The following PTPN21 variants were observed in gnomAD, a reference collection of about 807,000 sequenced individuals.
The protein encoded by PTPN21 is protein tyrosine phosphatase non-receptor type 21.
A neutral mutation model predicts 131.8 loss-of-function variants in PTPN21; 77 were observed. The observed-to-expected ratio is 0.58, with a 90% CI of 0.49 to 0.71. The LOEUF (loss-of-function observed/expected upper bound fraction) is 0.71, where lower values mean the gene tolerates loss of function less well. PTPN21 is among the 30% of genes least tolerant of loss of function. The probability of loss-of-function intolerance (pLI) is 0.00; values close to 1 mark genes in which losing one functional copy is unlikely to be tolerated. For synonymous variants in PTPN21, 715 were observed against 621.3 expected (o/e 1.15, Z -2.24); for missense variants, 1,552 against 1,527.1 (o/e 1.02, Z -0.27).
intron 13 of PTPN21, among the ~76,000 whole-genome samples, chr14:88,474,509 A>T (rs2140089233): frequency 6.6e-6 from 1 of 152,244 alleles, no homozygotes; most frequent in East Asian, 1.9e-4. Flanking sequence ...TAAAATATAT[A>T]AATTCTTTAA....
In PTPN21 at chr14:88,523,082, C is replaced by T. The variant is rs148329435; in HGVS notation, c.181-5821G>A. 3.0e-3 allele frequency among the ~76,000 whole-genome samples: 452 copies of T among 151,924 alleles called. 3 individuals are homozygous for T. Among genetic ancestry groups the T allele is most frequent in the African/African-American group, 0.011 (438 of 41,442 alleles). ...GAAAATCAAGGAAAAGGAGAGAATACTTTCTAACTCAATCTATAGGCCAGC... is the reference window on the plus strand; with the variant it reads ...GAAAATCAAGGAAAAGGAGAGAATATTTTCTAACTCAATCTATAGGCCAGC... On this transcript the variant is annotated intron_variant, in intron 2 of 18. Transcript: ENST00000556564.
At chr14:88,470,735 G>A (rs1158824769) in intron 15 of PTPN21, among the ~76,000 whole-genome samples, 2 of 152,184 alleles carry the variant, frequency 1.3e-5, no homozygotes, top group Non-Finnish European at 2.9e-5. Flanking sequence ...GCTCCACATC[G>A]TCTCACTGAG....
intron 10 of PTPN21, among the ~76,000 whole-genome samples, chr14:88,487,485 G>A (rs1471142729): frequency 6.6e-6 from 1 of 151,910 alleles, no homozygotes; most frequent in Non-Finnish European, 1.5e-5. Flanking sequence ...CTGAAAACTA[G>A]TATCTTATAT....
intron 6 of PTPN21, 27 bp downstream of exon 6, chr14:88,504,398 T>C: frequency 6.7e-7 from 1 of 1,494,406 alleles, no homozygotes; most frequent in Non-Finnish European, 9.3e-7. Context: ...TTCTATGCTA[T>C]TTCCATGTCT....
Position 88,469,091 on chromosome 14 carries a change from T to A in PTPN21, c.3236-15A>T, listed in dbSNP as rs2077412621. 6 of 1,601,882 alleles carry A rather than the reference T, an allele frequency of 3.7e-6. No individual in the cohort carries two copies. The highest frequency in any genetic ancestry group is 5.1e-6 in the Non-Finnish European group (6 of 1,171,172). On this transcript the variant is annotated splice_polypyrimidine_tract_variant and intron_variant, in intron 17 of 18. Coordinates refer to ENST00000556564, the MANE Select transcript of PTPN21 (RefSeq NM_007039.4). This position sits in a 1 kb window ranked among gnomAD's most constrained non-coding sequence, Gnocchi z 4.3. ...TTCAAGATATGCTGTGGAAAATCAA[T>A]GAAATAGAAAAGTACTCAAGGATCA...
At position 88,479,749 on chromosome 14, in the gene PTPN21, T is replaced by G. The variant is rs1340293230; in HGVS notation, c.1682A>C (p.Gln561Pro). The change falls in exon 13 of 19, where the codon CAG (glutamine) becomes CCG (proline). Residue 561 changes from glutamine (Q) to proline (P), a missense_variant. Physicochemically the swap from Gln to Pro is moderately conservative, Grantham distance 76. Coordinates refer to ENST00000556564, the MANE Select transcript of PTPN21 (RefSeq NM_007039.4). Reference protein sequence around the residue: ...DYPSPNIMRTQVYRPPPPYPP... With the variant: ...DYPSPNIMRTPVYRPPPPYPP... ...GTAGGGTGGGGGTGGCCGGTACACC[T>G]GCGTCCGCATGATGTTGGGAGACGG... is the stretch of plus-strand genomic sequence containing the variant. 5.2e-6 allele frequency: 8 copies of G among 1,542,436 alleles called. No homozygotes were observed. Among genetic ancestry groups the G allele is most frequent in the Non-Finnish European group, 6.9e-6 (8 of 1,151,478 alleles).
chr14:88,496,275 G>T, intron 10 of PTPN21, 138 bp downstream of exon 10: 1 of 714,910 alleles, frequency 1.4e-6, no homozygotes, highest in Non-Finnish European at 2.3e-6. Context: ...TTGGTCCAAA[G>T]CTAAAATAGG....
chr14:88,539,827 T>C (rs1203762196), intron 2 of PTPN21, among the ~76,000 whole-genome samples: 2 of 152,206 alleles, frequency 1.3e-5, no homozygotes, highest in Non-Finnish European at 2.9e-5. Context: ...ATATTCACTA[T>C]TAAACATGCT....
intron 2 of PTPN21, among the ~76,000 whole-genome samples, chr14:88,531,190 T>C (rs1235001590): frequency 2.0e-5 from 3 of 152,182 alleles, no homozygotes; most frequent in African/African-American, 7.2e-5. Context: ...CTGAATAATT[T>C]TGAATCAACA....
At position 88,468,977 on chromosome 14, in the gene PTPN21, A is replaced by G. The variant is rs1477797567; in HGVS notation, c.3335T>C (p.Val1112Ala). 11 of 1,613,838 alleles carry G rather than the reference A, an allele frequency of 6.8e-6. No homozygotes were observed. Among genetic ancestry groups the G allele is most frequent in the Non-Finnish European group, 9.3e-6 (11 of 1,179,988 alleles). ...PPLLVHCSAG[V>A]GRTGVVILSE... The stretch of plus-strand genomic sequence containing the variant: ...CAAAATCACCACGCCAGTCCTTCCT[A>G]CCCCAGCACTGCAGTGGACCAACAA... The change falls in exon 18 of 19, where the codon GTA becomes GCA. Residue 1112 changes from valine to alanine, a missense_variant. Physicochemically the swap from Val to Ala is moderately conservative, Grantham distance 64. Transcript: ENST00000556564.
At chr14:88,477,903 A>G (rs1389538151) in intron 13 of PTPN21, among the ~76,000 whole-genome samples, 1 of 152,222 alleles carries the variant, frequency 6.6e-6, no homozygotes, top group East Asian at 1.9e-4. Context: ...GTGAAAGACT[A>G]GCAAGGCTTC....
intron 2 of PTPN21, among the ~76,000 whole-genome samples, chr14:88,544,353 A>AAAAAG (rs563172040): frequency 6.6e-6 from 1 of 152,158 alleles, no homozygotes; most frequent in Non-Finnish European, 1.5e-5. Flanking sequence ...CTCACCAAAA[A>AAAAAG]AAAAGAAAAG....
In PTPN21 at chr14:88,480,245, T is replaced by C. The variant is rs2077632174; in HGVS notation, c.1186A>G (p.Ser396Gly). Residue 396 changes from serine to glycine, a missense_variant, in exon 13 of 19, where the codon AGT becomes GGT. Coordinates refer to ENST00000556564, the MANE Select transcript of PTPN21 (RefSeq NM_007039.4). The stretch of plus-strand genomic sequence containing the variant: ...TTTAAGGAGTTGGTGCTGTGTGCAC[T>C]GTAGACACTGCCATTACGGATCCGA... The part of the protein sequence containing the change: ...NGRIRNGSVY[S>G]AHSTNSLNNP... 6.2e-7 allele frequency: 1 copy of C among 1,614,082 alleles called. No individual in the cohort carries two copies. Among genetic ancestry groups the C allele is most frequent in the Admixed American group, 1.7e-5 (1 of 60,030 alleles).
intron 10 of PTPN21, among the ~76,000 whole-genome samples, chr14:88,486,588 AAAGCAAAGC>A (rs2077736327): frequency 6.6e-6 from 1 of 152,146 alleles, no homozygotes; most frequent in Non-Finnish European, 1.5e-5. Flanking sequence ...GAACCAAGGG[AAAGCAAAGC>A]ACAAGACTTG....
intron 8 of PTPN21, among the ~76,000 whole-genome samples, chr14:88,497,508 G>A (rs1372573380): frequency 6.6e-6 from 1 of 152,062 alleles, no homozygotes; most frequent in Non-Finnish European, 1.5e-5. Flanking sequence ...AGTGGCTCAC[G>A]CCTGTAATCT....
intron 6 of PTPN21, 22 bp downstream of exon 6, chr14:88,504,403 A>T: frequency 2.0e-6 from 3 of 1,520,978 alleles, no homozygotes; most frequent in Non-Finnish European, 2.7e-6. Flanking sequence ...TGCTATTTCC[A>T]TGTCTTATTT....
rs377215043 is a variant in PTPN21 at position 88,478,875 on chromosome 14, G to A, written c.2511+45C>T. ...TGATGAGTGAAAGAAGCGCCAGGGC[G>A]AACGCGCGGTCCCCTGGCCCGGCAC... On this transcript the variant is annotated intron_variant, in intron 13 of 18. Coordinates refer to ENST00000556564, the MANE Select transcript of PTPN21 (RefSeq NM_007039.4). 3.0e-6 allele frequency: 4 copies of A among 1,322,888 alleles called. No individual in the cohort carries two copies. The East Asian group carries it at 1.1e-4, about 36-fold the overall frequency. 81.9% of individuals were successfully genotyped at this position (1,322,888 alleles called of 1,614,324 possible). A position where few individuals can be genotyped will look rare whatever the true frequency, so the allele number is the denominator to read the frequency against.
At chr14:88,501,201 G>T in intron 7 of PTPN21, 80 bp downstream of exon 7, 1 of 1,279,088 alleles carries the variant, frequency 7.8e-7, no homozygotes, top group Non-Finnish European at 1.1e-6. Context: ...TGCACATAAG[G>T]ACATCCTTGG....
intron 12 of PTPN21, among the ~76,000 whole-genome samples, chr14:88,484,844 G>A (rs1357772971): frequency 6.6e-6 from 1 of 151,960 alleles, no homozygotes; most frequent in African/African-American, 2.4e-5. Flanking sequence ...GCTGAGACAC[G>A]CCACTGCACT....
Sources: gnomAD v4.1 joint callset for allele counts (sites outside exome capture counted in the v4.1 genomes callset) on GRCh38, gnomAD v4.1.1 for gene constraint, Gnocchi (gnomAD v3.1) non-coding constraint, MANE v1.5 for transcripts, NCBI Gene and HGNC (gene_info 2026-07-23, HGNC 2026-07-21) for gene names.